SHANK2: variants seen among roughly 807,000 people sequenced by gnomAD.
SHANK2 encodes the protein SH3 and multiple ankyrin repeat domains 2.
SHANK2 carries 43 observed loss-of-function variants against 133.7 expected under a neutral mutation model. The ratio of observed to expected loss-of-function variants is 0.32; its 90% CI spans 0.25 to 0.41. The LOEUF (loss-of-function observed/expected upper bound fraction) is 0.41. Ranked by LOEUF, SHANK2 falls within the 10% of genes least tolerant of loss-of-function variation. The probability of loss-of-function intolerance (pLI) is 1.00; values close to 1 mark genes in which losing one functional copy is unlikely to be tolerated. For missense variants in SHANK2, 1,994 were observed against 2,235.8 expected, an observed-to-expected ratio of 0.89 and a Z score of 2.18; for synonymous variants, 1,017 against 952.8, an observed-to-expected ratio of 1.07 and a Z score of -1.24.
chr11:70,495,118 C>T (rs931963110), intron 21 of SHANK2, among the ~76,000 whole-genome samples: 1 of 152,186 alleles, frequency 6.6e-6, no homozygotes, highest in Admixed American at 6.5e-5. Flanking sequence ...GTGCTGTCCT[C>T]ACCTGCGTTC....
At chr11:70,694,328 T>G (rs1376047452) in intron 15 of SHANK2, among the ~76,000 whole-genome samples, 2 of 152,182 alleles carry the variant, frequency 1.3e-5, no homozygotes, top group Non-Finnish European at 2.9e-5. Flanking sequence ...CACTAATGAA[T>G]TGGTGTGTTT....
rs918663636 is a variant in SHANK2 at position 71,188,787 on chromosome 11, C to T, written c.-13+35910G>A. Among the ~76,000 whole-genome samples, 8 of 152,210 alleles carry T rather than the reference C, an allele frequency of 5.3e-5. No individual in the cohort carries two copies. Among genetic ancestry groups the T allele is most frequent in the South Asian group, 2.1e-4 (1 of 4,826 alleles). On this transcript the variant is annotated intron_variant, in intron 2 of 25. Coordinates refer to ENST00000601538, the MANE Select transcript of SHANK2 (RefSeq NM_012309.5). The surrounding 1 kb of genome is among the most constrained non-coding windows in gnomAD (Gnocchi z 4.6). ...GGTGCTGGCCTCACTGAGATAACTA[C>T]GACCACCTCCAAATGGAGCTAAGGC... is the stretch of plus-strand genomic sequence containing the variant.
rs114691493 is a variant in SHANK2, at chr11:70,556,363, C to T, written c.2062-53432G>A. The stretch of plus-strand genomic sequence containing the variant: ...AAGCACTTAACGTGCAGCCTGATCA[C>T]ATTTATTTTCTCTCTGTCTCTTTCT... On this transcript the variant is annotated intron_variant, in intron 17 of 25. Transcript: ENST00000601538. Among the ~76,000 whole-genome samples, 587 of 151,218 alleles carry T rather than the reference C, an allele frequency of 3.9e-3. 6 individuals are homozygous for T. The highest frequency in any genetic ancestry group is 0.014 in the African/African-American group (571 of 41,216).
At position 70,713,427 on chromosome 11, in the gene SHANK2, T is replaced by G. The variant is rs542664331; in HGVS notation, c.1778-14664A>C. On this transcript the variant is annotated intron_variant, in intron 14 of 25. Transcript: ENST00000601538. ...AGTCTTTTTGCCAAGCGTAGCTGTGTCCGCTTTCACAGAACCCCCGTAGCA... is the reference window on the plus strand; with the variant it reads ...AGTCTTTTTGCCAAGCGTAGCTGTGGCCGCTTTCACAGAACCCCCGTAGCA... Among the ~76,000 whole-genome samples the G allele has an allele frequency of 2.0e-5, 3 of 152,374 alleles. No homozygotes were observed. In the South Asian group the frequency reaches 6.2e-4, roughly 32 times the overall value.
At chr11:70,915,517 C>T (rs1203104951) in intron 10 of SHANK2, among the ~76,000 whole-genome samples, 1 of 152,164 alleles carries the variant, frequency 6.6e-6, no homozygotes, top group Admixed American at 6.5e-5. Context: ...TAACCACTCC[C>T]ATGGCTAACA....
chr11:70,781,580 A>ATATATATATATATG (rs34035945), intron 14 of SHANK2, among the ~76,000 whole-genome samples: 9 of 126,272 alleles, frequency 7.1e-5, no homozygotes, highest in African/African-American at 2.4e-4. Context: ...ATATATATAT[A>ATATATATATATATG]TATTTACTTA....
intron 2 of SHANK2, among the ~76,000 whole-genome samples, chr11:71,181,528 T>C (rs564889435): frequency 2.0e-5 from 3 of 152,036 alleles, no homozygotes; most frequent in African/African-American, 4.8e-5. Flanking sequence ...CTCAGAAGAA[T>C]GAAGCCAAGG....
intron 12 of SHANK2, among the ~76,000 whole-genome samples, chr11:70,815,728 G>A (rs1249376468): frequency 2.0e-5 from 3 of 152,170 alleles, no homozygotes; most frequent in Non-Finnish European, 2.9e-5. Flanking sequence ...TCCCGGTGGG[G>A]GCCCTGGGGA....
At chr11:70,536,514 G>A (rs1455372352) in intron 17 of SHANK2, among the ~76,000 whole-genome samples, 1 of 152,074 alleles carries the variant, frequency 6.6e-6, no homozygotes, top group East Asian at 1.9e-4. Context: ...CAGAATGGCC[G>A]GCCGATCCTG....
chr11:70,932,577 C>T (rs1320174348), intron 10 of SHANK2, among the ~76,000 whole-genome samples: 1 of 152,202 alleles, frequency 6.6e-6, no homozygotes, highest in African/African-American at 2.4e-5. Context: ...CACACCTTCC[C>T]ATTGTGTGAG....
At chr11:70,874,336 G>A (rs79961791) in intron 11 of SHANK2, among the ~76,000 whole-genome samples, 1 of 151,338 alleles carries the variant, frequency 6.6e-6, no homozygotes, top group Non-Finnish European at 1.5e-5. Flanking sequence ...ATCTATCCAT[G>A]ATTTATCTAT....
chr11:70,915,963 T>G (rs1198190954), intron 10 of SHANK2, among the ~76,000 whole-genome samples: 1 of 152,156 alleles, frequency 6.6e-6, no homozygotes, highest in Non-Finnish European at 1.5e-5. Flanking sequence ...GACACAGACA[T>G]GGGTTTCTGG....
At chr11:71,156,431 G>A (rs538240797) in intron 2 of SHANK2, among the ~76,000 whole-genome samples, 2 of 152,278 alleles carry the variant, frequency 1.3e-5, no homozygotes, top group South Asian at 4.1e-4. Flanking sequence ...CTCCACTGGT[G>A]TCACCGTCTC....
intron 14 of SHANK2, among the ~76,000 whole-genome samples, chr11:70,743,919 G>T (rs1310069817): frequency 3.3e-5 from 5 of 152,116 alleles, no homozygotes; most frequent in African/African-American, 9.7e-5. Context: ...AAACCCTCAG[G>T]GTCCTCTTCC....
intron 14 of SHANK2, among the ~76,000 whole-genome samples, chr11:70,749,197 G>A (rs1946706689): frequency 6.6e-6 from 1 of 152,232 alleles, no homozygotes; most frequent in South Asian, 2.1e-4. Context: ...GCAGGCAACT[G>A]TAGGGGAACT....
At chr11:70,627,239 A>C (rs1204634684) in intron 17 of SHANK2, among the ~76,000 whole-genome samples, 1 of 152,188 alleles carries the variant, frequency 6.6e-6, no homozygotes, top group Non-Finnish European at 1.5e-5. Context: ...GGTGCGGCCA[A>C]GTGAGCCGGC....
intron 14 of SHANK2, among the ~76,000 whole-genome samples, chr11:70,729,151 C>T (rs1279421584): frequency 1.3e-5 from 2 of 150,640 alleles, no homozygotes; most frequent in African/African-American, 2.4e-5. Context: ...TTGCCGAGAT[C>T]GCACCACTGC....
chr11:70,581,645 C>A (rs930946322), intron 17 of SHANK2, among the ~76,000 whole-genome samples: 1 of 152,188 alleles, frequency 6.6e-6, no homozygotes, highest in African/African-American at 2.4e-5. Context: ...GAGCTGAGAT[C>A]GTGCCACTGC....
chr11:71,073,127 G>GT lies in SHANK2; in HGVS notation c.1029+2031dup, dbSNP rs1277169505. 2.5e-4 allele frequency among the ~76,000 whole-genome samples: 23 copies of GT among 93,872 alleles called. No homozygotes were observed. The South Asian group carries it at 6.2e-3, about 25-fold the overall frequency. The allele number at this position is 93,872 out of a possible 152,430, so 61.6% of individuals were successfully genotyped here. A position where few individuals can be genotyped will look rare whatever the true frequency, so the allele number is the denominator to read the frequency against. On this transcript the variant is annotated intron_variant, in intron 9 of 25. Coordinates refer to ENST00000601538, the MANE Select transcript of SHANK2 (RefSeq NM_012309.5). ...TGCAGTGGTGGAAGGCTTGCTTTTTGTTTTTTTTCTTTTTCTTTTCTTTTT... is the reference window on the plus strand; with the variant it reads ...TGCAGTGGTGGAAGGCTTGCTTTTTGTTTTTTTTTCTTTTTCTTTTCTTTTT...
Sources: gnomAD v4.1 joint callset for allele counts (sites outside exome capture counted in the v4.1 genomes callset) on GRCh38, gnomAD v4.1.1 for gene constraint, Gnocchi (gnomAD v3.1) non-coding constraint, MANE v1.5 for transcripts, NCBI Gene and HGNC (gene_info 2026-07-23, HGNC 2026-07-21) for gene names.